KCTD8: variants seen among roughly 807,000 people sequenced by gnomAD.
The protein encoded by KCTD8 is potassium channel tetramerization domain containing 8.
A neutral mutation model predicts 31.5 loss-of-function variants in KCTD8; 27 were observed. The observed-to-expected ratio is 0.86, with a 90% CI of 0.63 to 1.18. The LOEUF is 1.18. Among genes scored for constraint, KCTD8 ranks in the 50% most tolerant of loss-of-function variants. The pLI is 0.00. For missense variants in KCTD8, 658 were observed against 647.7 expected, an observed-to-expected ratio of 1.02 and a Z score of -0.17; for synonymous variants, 290 against 280.0, an observed-to-expected ratio of 1.04 and a Z score of -0.36.
rs139012553 is a variant in KCTD8 at position 44,289,473 on chromosome 4, T to G, written c.962-114223A>C. On this transcript the variant is annotated intron_variant, in intron 1 of 1. Coordinates refer to ENST00000360029, the MANE Select transcript of KCTD8 (RefSeq NM_198353.3). ...ATCCATGGAGAGAAAACACCAAGAG[T>G]TGATACAGAGGCAATGCAGACCCTG... Among the ~76,000 whole-genome samples, 667 of 151,082 alleles carry G rather than the reference T, an allele frequency of 4.4e-3. 10 individuals carry two copies. The highest frequency in any genetic ancestry group is 0.016 in the African/African-American group (646 of 41,104).
At chr4:44,389,600 T>TG in intron 1 of KCTD8, among the ~76,000 whole-genome samples, 1 of 151,704 alleles carries the variant, frequency 6.6e-6, no homozygotes, top group East Asian at 2.0e-4. Flanking sequence ...GGGTGTGGAA[T>TG]GGGGAATAGT....
At chr4:44,278,482 T>C (rs1239434943) in intron 1 of KCTD8, among the ~76,000 whole-genome samples, 3 of 151,972 alleles carry the variant, frequency 2.0e-5, no homozygotes, top group Non-Finnish European at 4.4e-5. Flanking sequence ...TCATATTGCT[T>C]AAAAGGGCAA....
intron 1 of KCTD8, among the ~76,000 whole-genome samples, chr4:44,177,658 A>C (rs1460185672): frequency 6.6e-6 from 1 of 152,160 alleles, no homozygotes; most frequent in Admixed American, 6.5e-5. Flanking sequence ...CATCCATGTA[A>C]GACATAACTT....
chr4:44,279,985 T>A (rs1456463966), intron 1 of KCTD8, among the ~76,000 whole-genome samples: 1 of 152,118 alleles, frequency 6.6e-6, no homozygotes. Context: ...TTTATTTTTT[T>A]ATGATCAAGT....
At chr4:44,309,330 T>A (rs961117905) in intron 1 of KCTD8, among the ~76,000 whole-genome samples, 1 of 152,120 alleles carries the variant, frequency 6.6e-6, no homozygotes. Context: ...TGAGCCACTG[T>A]GCTCTGCCTA....
intron 1 of KCTD8, among the ~76,000 whole-genome samples, chr4:44,266,607 TAA>T (rs1716375809): frequency 6.6e-6 from 1 of 150,654 alleles, no homozygotes; most frequent in South Asian, 2.1e-4. Context: ...GCAAATTGGA[TAA>T]AGAGTCAAGA....
Position 44,442,891 on chromosome 4 carries a change from T to C in KCTD8, c.961+4672A>G, listed in dbSNP as rs544791985. ...CAGTTTTTCAGCTTCATTACCTGCA[T>C]AAAGATTGACCCACACAAAGCTGAA... On this transcript the variant is annotated intron_variant, in intron 1 of 1. Coordinates refer to ENST00000360029, the MANE Select transcript of KCTD8 (RefSeq NM_198353.3). 1.2e-4 allele frequency among the ~76,000 whole-genome samples: 18 copies of C among 151,978 alleles called. 1 individual carries two copies. Among genetic ancestry groups the C allele is most frequent in the Middle Eastern group, 3.4e-3 (1 of 294 alleles).
intron 1 of KCTD8, among the ~76,000 whole-genome samples, chr4:44,259,898 C>T (rs962184084): frequency 6.6e-6 from 1 of 151,822 alleles, no homozygotes; most frequent in African/African-American, 2.4e-5. Context: ...TAAATATGTA[C>T]TCCAATTGCT....
At chr4:44,408,034 A>G (rs368410950) in intron 1 of KCTD8, among the ~76,000 whole-genome samples, 1 of 152,158 alleles carries the variant, frequency 6.6e-6, no homozygotes, top group South Asian at 2.1e-4. Context: ...CCTGTCATCA[A>G]AAAGAATATA....
intron 1 of KCTD8, among the ~76,000 whole-genome samples, chr4:44,332,419 A>G (rs1386314933): frequency 6.6e-6 from 1 of 152,018 alleles, no homozygotes; most frequent in Non-Finnish European, 1.5e-5. Context: ...ACTTGCATTT[A>G]TAAAATATAT....
chr4:44,377,929 CT>C (rs1331760853), intron 1 of KCTD8, among the ~76,000 whole-genome samples: 3 of 152,032 alleles, frequency 2.0e-5, no homozygotes, highest in Admixed American at 6.6e-5. Context: ...CTAGTGAACA[CT>C]TTTCATAATT....
intron 1 of KCTD8, among the ~76,000 whole-genome samples, chr4:44,395,115 T>C (rs1013994744): frequency 6.6e-6 from 1 of 152,072 alleles, no homozygotes; most frequent in African/African-American, 2.4e-5. Flanking sequence ...CAATGGTTAG[T>C]AGCCAGAACT....
chr4:44,196,134 C>T (rs1367253167), intron 1 of KCTD8, among the ~76,000 whole-genome samples: 3 of 152,194 alleles, frequency 2.0e-5, no homozygotes, highest in Non-Finnish European at 4.4e-5. Flanking sequence ...AAAGCAATTA[C>T]ATTCTAAGAA....
At chr4:44,190,314 T>C (rs954455590) in intron 1 of KCTD8, among the ~76,000 whole-genome samples, 6 of 152,220 alleles carry the variant, frequency 3.9e-5, no homozygotes, top group Admixed American at 1.3e-4. Flanking sequence ...TCAAGTCAAA[T>C]TGGAGAAATT....
In KCTD8 at chr4:44,448,297, G is replaced by A. The variant is rs1447424757; in HGVS notation, c.227C>T (p.Pro76Leu). 1.2e-6 allele frequency: 2 copies of A among 1,607,252 alleles called. No individual in the cohort carries two copies. Among genetic ancestry groups the A allele is most frequent in the African/African-American group, 2.7e-5 (2 of 74,396 alleles). Residue 76 changes from proline (P) to leucine (L), a missense_variant, in exon 1 of 2, where the codon CCC becomes CTC. By Grantham distance (98) the Pro-to-Leu change is moderately conservative (BLOSUM62 -3). Transcript: ENST00000360029. The surrounding 1 kb of genome is among the most constrained non-coding windows in gnomAD (Gnocchi z 4.1). The stretch of plus-strand genomic sequence containing the variant: ...CCGGGCGCCGCCACGGGGACTAGAG[G>A]GCGAGAACATGCTGGCCAAAGTACT... ...PDSTLASMFS[P>L]SSPRGGARRR... is the part of the protein sequence containing the mutation.
At chr4:44,323,500 A>ACG (rs1553901396) in intron 1 of KCTD8, among the ~76,000 whole-genome samples, 1 of 82,016 alleles carries the variant, frequency 1.2e-5, no homozygotes, top group Non-Finnish European at 2.3e-5. Flanking sequence ...ATCCCCACCC[A>ACG]CCCCCCCCCA....
At chr4:44,354,095 T>G (rs1033325977) in intron 1 of KCTD8, among the ~76,000 whole-genome samples, 19 of 151,396 alleles carry the variant, frequency 1.3e-4, no homozygotes, top group African/African-American at 1.2e-4. Context: ...TAATGCTTAG[T>G]TTTTTTTGCA....
At chr4:44,336,173 A>AAAG (rs1718739706) in intron 1 of KCTD8, among the ~76,000 whole-genome samples, 3 of 139,274 alleles carry the variant, frequency 2.2e-5, no homozygotes, top group African/African-American at 2.5e-5. Context: ...AAAAAAAAAA[A>AAAG]AAAGAAAAAA....
chr4:44,339,408 G>A (rs1718837300), intron 1 of KCTD8, among the ~76,000 whole-genome samples: 1 of 151,968 alleles, frequency 6.6e-6, no homozygotes, highest in African/African-American at 2.4e-5. Flanking sequence ...GAAAATTTAG[G>A]GTTAATATCA....
Sources: allele counts gnomAD v4.1 joint callset (sites outside exome capture counted in the v4.1 genomes callset), GRCh38; gene constraint gnomAD v4.1.1; non-coding constraint Gnocchi (gnomAD v3.1); transcripts MANE v1.5; gene names NCBI Gene and HGNC (gene_info 2026-07-23, HGNC 2026-07-21).